The following CLIP1 variants were observed in gnomAD, a reference collection of about 807,000 sequenced individuals.
CLIP1 encodes CAP-Gly domain containing linker protein 1, also known as CAP-Gly domain-containing linker protein 1.
A neutral mutation model predicts 161.6 loss-of-function variants in CLIP1; 66 were observed. That is an observed-to-expected ratio of 0.41 (90% CI 0.33 to 0.50). CLIP1 has a LOEUF of 0.50. Among genes scored for constraint, CLIP1 ranks in the 20% least tolerant of loss-of-function variants. The pLI is 0.27. For missense variants in CLIP1, 1,376 were observed against 1,702.0 expected, an observed-to-expected ratio of 0.81 and a Z score of 3.37; for synonymous variants, 598 against 626.2, an observed-to-expected ratio of 0.96 and a Z score of 0.67.
At chr12:122,351,590 G>A (rs1953039744) in intron 8 of CLIP1, among the ~76,000 whole-genome samples, 1 of 152,090 alleles carries the variant, frequency 6.6e-6, no homozygotes, top group South Asian at 2.1e-4. Context: ...GTTTGGAAGG[G>A]CCCCTCAAAT....
At chr12:122,362,792 G>GAA (rs1027850452) in intron 4 of CLIP1, among the ~76,000 whole-genome samples, 1 of 139,746 alleles carries the variant, frequency 7.2e-6, no homozygotes, top group African/African-American at 2.6e-5. Context: ...GCATTGGAGG[G>GAA]AAAAAAAAAA....
At position 122,341,479 on chromosome 12, in the gene CLIP1, C is replaced by T. The variant is rs1952494123; in HGVS notation, c.1725G>A (p.Glu575=). 6.2e-7 allele frequency: 1 copy of T among 1,613,466 alleles called. No individual in the cohort carries two copies. The highest frequency in any genetic ancestry group is 8.5e-7 in the Non-Finnish European group (1 of 1,179,560). ...DHQREITSLK[E]HFGAREETHQ... is the part of the protein sequence containing the mutation. ...GAGTTTCTTCCCGGGCTCCAAAATGCTCCTTCAGAGAAGTTATTTCTCTCT... is the reference window on the plus strand; with the variant it reads ...GAGTTTCTTCCCGGGCTCCAAAATGTTCCTTCAGAGAAGTTATTTCTCTCT... Residue 575 remains glutamate (E), a synonymous_variant, in exon 11 of 26, where the codon GAG becomes GAA. Transcript: ENST00000620786.
intron 5 of CLIP1, among the ~76,000 whole-genome samples, chr12:122,358,633 G>C (rs1218452277): frequency 6.6e-6 from 1 of 151,592 alleles, no homozygotes; most frequent in Non-Finnish European, 1.5e-5. Context: ...TGTAAATTGG[G>C]TATATATTTC....
chr12:122,281,632 T>C (rs1387756822), intron 21 of CLIP1, among the ~76,000 whole-genome samples: 2 of 152,024 alleles, frequency 1.3e-5, no homozygotes, highest in Non-Finnish European at 2.9e-5. Context: ...GAGGATGGCT[T>C]GAGCCCAGGA....
chr12:122,389,637 T>C (rs1047598262), intron 1 of CLIP1, among the ~76,000 whole-genome samples: 5 of 151,532 alleles, frequency 3.3e-5, no homozygotes, highest in African/African-American at 1.2e-4. Context: ...TGCATGCCTG[T>C]AGGCCCAGCT....
intron 1 of CLIP1, among the ~76,000 whole-genome samples, chr12:122,411,873 G>T (rs1956546470): frequency 1.3e-5 from 2 of 151,922 alleles, no homozygotes; most frequent in Admixed American, 1.3e-4. Context: ...GAAAAAAAAT[G>T]AAAATATAAT....
chr12:122,319,505 C>T (rs1384559730), intron 17 of CLIP1, among the ~76,000 whole-genome samples, 157 bp from the exon 18 acceptor site: 3 of 152,218 alleles, frequency 2.0e-5, no homozygotes, highest in Non-Finnish European at 2.9e-5. Flanking sequence ...CTGAAACAGA[C>T]GGACCAGGAC....
intron 15 of CLIP1, among the ~76,000 whole-genome samples, chr12:122,329,002 T>A (rs1951821865): frequency 6.6e-6 from 1 of 152,190 alleles, no homozygotes; most frequent in South Asian, 2.1e-4. Flanking sequence ...GTCAATAAAT[T>A]AATAAGGAAA....
At chr12:122,357,902 G>A (rs1472051643) in intron 5 of CLIP1, among the ~76,000 whole-genome samples, 1 of 151,858 alleles carries the variant, frequency 6.6e-6, no homozygotes, top group African/African-American at 2.4e-5. Context: ...GAAGTGAGGA[G>A]CCCCTCTGCC....
Position 122,352,743 on chromosome 12 carries a change from T to C in CLIP1, c.1351A>G (p.Thr451Ala), listed in dbSNP as rs1953102893. 3 of 1,613,948 alleles carry C rather than the reference T, an allele frequency of 1.9e-6. No individual in the cohort carries two copies. The African/African-American group carries it at 4.0e-5, about 22-fold the overall frequency. The stretch of plus-strand genomic sequence containing the variant: ...GGTTTTACCTCAAGATCACCTTTGG[T>C]AATTGATTCTTCTTCAACCCGGAAC... ...LQFRVEEESI[T>A]KGDLEQKSQI... Residue 451 changes from threonine (T) to alanine (A), a missense_variant, in exon 8 of 26, where the codon ACC becomes GCC. By Grantham distance (58) the Thr-to-Ala change is moderately conservative. Transcript: ENST00000620786.
At chr12:122,403,998 C>T (rs1201196669) in intron 1 of CLIP1, among the ~76,000 whole-genome samples, 2 of 152,202 alleles carry the variant, frequency 1.3e-5, no homozygotes, top group African/African-American at 4.8e-5. Flanking sequence ...AATCAAACCA[C>T]AGGGCATGAA....
chr12:122,276,277 T>C (rs1220575870), intron 24 of CLIP1, among the ~76,000 whole-genome samples: 3 of 151,990 alleles, frequency 2.0e-5, no homozygotes, highest in African/African-American at 7.3e-5. Context: ...ACCTACTGAG[T>C]CTACCTTCAC....
chr12:122,302,366 C>A (rs895823232), intron 20 of CLIP1, among the ~76,000 whole-genome samples: 30 of 152,034 alleles, frequency 2.0e-4, no homozygotes, highest in African/African-American at 6.8e-4. Context: ...CCTCCCAGTG[C>A]TGGGATTACA....
chr12:122,421,960 C>T (rs951755886), intron 1 of CLIP1, among the ~76,000 whole-genome samples: 5 of 152,356 alleles, frequency 3.3e-5, no homozygotes, highest in African/African-American at 9.6e-5. Flanking sequence ...CCCCGGTCTC[C>T]GAGAATCACA....
At chr12:122,363,009 C>T (rs1953946973) in intron 4 of CLIP1, among the ~76,000 whole-genome samples, 1 of 152,092 alleles carries the variant, frequency 6.6e-6, no homozygotes, top group South Asian at 2.1e-4. Context: ...TGCTTATAAC[C>T]AATTTGTCTG....
chr12:122,300,732 A>G (rs1324643380), intron 20 of CLIP1, among the ~76,000 whole-genome samples: 1 of 152,198 alleles, frequency 6.6e-6, no homozygotes, highest in Non-Finnish European at 1.5e-5. Context: ...ATAAAAGATG[A>G]AGAAGTTTGT....
intron 11 of CLIP1, among the ~76,000 whole-genome samples, chr12:122,336,963 T>G (rs540489042): frequency 7.4e-4 from 39 of 52,610 alleles, no homozygotes; most frequent in East Asian, 4.2e-3. Context: ...TATTTTTGTG[T>G]TTTTTTTTTT....
chr12:122,358,623 T>G (rs1953620641), intron 5 of CLIP1, among the ~76,000 whole-genome samples: 1 of 152,112 alleles, frequency 6.6e-6, no homozygotes. Flanking sequence ...TTTTCTCATC[T>G]GTAAATTGGG....
chr12:122,417,544 G>A lies in CLIP1; in HGVS notation c.-107+4977C>T, dbSNP rs1460292520. Among the ~76,000 whole-genome samples, 57 of 128,170 alleles carry A rather than the reference G, an allele frequency of 4.4e-4. 1 individual carries two copies. The Middle Eastern group carries it at 0.021, about 48-fold the overall frequency. 84.1% of individuals were successfully genotyped at this position (128,170 alleles called of 152,430 possible). ...TTTTTTTTTTTTGAAACGGAGTCTCGCTCTGTCGCCCAGGCTGGAGTGCAG... is the reference window on the plus strand; with the variant it reads ...TTTTTTTTTTTTGAAACGGAGTCTCACTCTGTCGCCCAGGCTGGAGTGCAG... On this transcript the variant is annotated intron_variant, in intron 1 of 25. Coordinates refer to ENST00000620786, the MANE Select transcript of CLIP1 (RefSeq NM_001247997.2).
Sources: allele counts gnomAD v4.1 joint callset (sites outside exome capture counted in the v4.1 genomes callset), GRCh38; gene constraint gnomAD v4.1.1; transcripts MANE v1.5; gene names NCBI Gene and HGNC (gene_info 2026-07-23, HGNC 2026-07-21).